PPIL2: variants seen among roughly 807,000 people sequenced by gnomAD.
PPIL2 encodes RING-type E3 ubiquitin-protein ligase PPIL2.
PPIL2 carries 50 observed loss-of-function variants against 75.2 expected under a neutral mutation model. That is an observed-to-expected ratio of 0.66 (90% CI 0.53 to 0.84). The LOEUF (loss-of-function observed/expected upper bound fraction) is 0.84, where lower values mean the gene tolerates loss of function less well. Among genes scored for constraint, PPIL2 ranks in the 40% least tolerant of loss-of-function variants. The pLI, the probability that PPIL2 is intolerant of heterozygous loss-of-function variation, is 0.00. For missense variants in PPIL2, 590 were observed against 685.0 expected, an observed-to-expected ratio of 0.86 and a Z score of 1.55; for synonymous variants, 245 against 258.8, an observed-to-expected ratio of 0.95 and a Z score of 0.51.
chr22:21,696,243 C>T lies in PPIL2; in HGVS notation c.*753C>T, dbSNP rs2148584888. The T allele has an allele frequency of 2.9e-6, 3 of 1,018,578 alleles. No individual in the cohort carries two copies. The highest frequency in any genetic ancestry group is 9.4e-5 in the East Asian group (1 of 10,674). 63.1% of individuals were successfully genotyped at this position (1,018,578 alleles called of 1,614,324 possible). ...CCTGAGCTCTCAGGGCCCTGCTCAC[C>T]TGCTCTGGCTGTGAACCACCTGGGC... On this transcript the variant is annotated 3_prime_UTR_variant, in exon 20 of 20. Coordinates refer to ENST00000398831, the MANE Select transcript of PPIL2 (RefSeq NM_014337.4).
Position 21,689,026 on chromosome 22 carries a change from A to C in PPIL2, c.1139+177A>C, listed in dbSNP as rs866940720. ...CAAAAGGGGGTCCCCAGAGTGAGTC[A>C]GCAGGGAGAGCTGCCCGCACCGGGT... is the stretch of plus-strand genomic sequence containing the variant. On this transcript the variant is annotated intron_variant, in intron 15 of 19. Coordinates refer to ENST00000398831, the MANE Select transcript of PPIL2 (RefSeq NM_014337.4). 2.0e-5 allele frequency among the ~76,000 whole-genome samples: 3 copies of C among 152,266 alleles called. No homozygotes were observed. In the East Asian group the frequency reaches 5.8e-4, roughly 29 times the overall value.
intron 6 of PPIL2, among the ~76,000 whole-genome samples, chr22:21,676,365 A>T (rs1350763097): frequency 3.1e-5 from 4 of 128,728 alleles, no homozygotes; most frequent in Non-Finnish European, 3.4e-5. Context: ...TATTTCTCCA[A>T]ACCTCTTTTT....
chr22:21,688,683 C>T (rs2067486434), intron 14 of PPIL2, 49 bp from the exon 15 acceptor site: 6 of 1,578,120 alleles, frequency 3.8e-6, no homozygotes, highest in Non-Finnish European at 5.2e-6. Flanking sequence ...CTAGTTCTGC[C>T]TCGGCTGGGG....
At chr22:21,691,393 G>A (rs1471437419) in intron 15 of PPIL2, among the ~76,000 whole-genome samples, 1 of 152,010 alleles carries the variant, frequency 6.6e-6, no homozygotes, top group East Asian at 1.9e-4. Flanking sequence ...AGATTTTCCA[G>A]GAGGAGGCCA....
chr22:21,684,878 G>T lies in PPIL2; in HGVS notation c.679G>T (p.Ala227Ser), dbSNP rs1218138263. 1.2e-6 allele frequency: 2 copies of T among 1,614,042 alleles called. No homozygotes were observed. Among genetic ancestry groups the T allele is most frequent in the South Asian group, 1.1e-5 (1 of 91,078 alleles). Residue 227 changes from alanine to serine, a missense_variant, in exon 10 of 20, where the codon GCC becomes TCC. Ala to Ser is a moderately conservative substitution (Grantham distance 99). Coordinates refer to ENST00000398831, the MANE Select transcript of PPIL2 (RefSeq NM_014337.4). The stretch of plus-strand genomic sequence containing the variant: ...CGAGATTCTGGCAGCCACCATGAAG[G>T]CCCCGGAGAAGAAGAAAGTGGACAA... Reference protein sequence around the residue: ...GDEILAATMKAPEKKKVDKLN... With the variant: ...GDEILAATMKSPEKKKVDKLN...
At chr22:21,682,550 C>T in intron 8 of PPIL2, 24 bp downstream of exon 8, 1 of 1,544,360 alleles carries the variant, frequency 6.5e-7, no homozygotes, top group Non-Finnish European at 8.7e-7. Flanking sequence ...GCCTGCCTGC[C>T]CCAGCTGCCT....
intron 9 of PPIL2, among the ~76,000 whole-genome samples, chr22:21,684,098 T>C (rs1158443203): frequency 1.3e-5 from 2 of 151,850 alleles, no homozygotes; most frequent in African/African-American, 4.8e-5. Flanking sequence ...CCCCAGCTAC[T>C]TGGGGGGCTG....
At chr22:21,681,476 A>G (rs2067128904) in intron 7 of PPIL2, 86 bp downstream of exon 7, 1 of 1,233,690 alleles carries the variant, frequency 8.1e-7, no homozygotes, top group East Asian at 2.4e-5. Flanking sequence ...GCTGTGTGCT[A>G]CGTGTACGGC....
At chr22:21,677,558 G>C (rs1056617997) in intron 6 of PPIL2, among the ~76,000 whole-genome samples, 13 of 152,218 alleles carry the variant, frequency 8.5e-5, no homozygotes, top group Admixed American at 6.5e-4. Context: ...CCAGTCAGGC[G>C]TGGCGGCGCG....
At chr22:21,670,744 G>T (rs556980472) in intron 3 of PPIL2, 133 bp downstream of exon 3, 7 of 1,062,294 alleles carry the variant, frequency 6.6e-6, no homozygotes, top group Non-Finnish European at 8.7e-6. Context: ...GTTCATGTTG[G>T]GAGAAGATGC....
rs1601575999 is a variant in PPIL2, at chr22:21,687,701, C to T, written c.956C>T (p.Thr319Ile). ...TGCAAGAAGCATTATTACGATGGCA[C>T]CATCTTCCACAGATCCATCCGGAAC... ...RLCKKHYYDG[T>I]IFHRSIRNFV... Residue 319 changes from threonine (T) to isoleucine (I), a missense_variant, in exon 13 of 20, where the codon ACC becomes ATC. Thr to Ile is a moderately conservative substitution (Grantham distance 89). Coordinates refer to ENST00000398831, the MANE Select transcript of PPIL2 (RefSeq NM_014337.4). 6.2e-7 allele frequency: 1 copy of T among 1,614,060 alleles called. No individual in the cohort carries two copies. The highest frequency in any genetic ancestry group is 2.2e-5 in the East Asian group (1 of 44,880).
At chr22:21,693,767 G>T (rs2067786954) in intron 15 of PPIL2, 49 bp from the exon 16 acceptor site, 2 of 1,514,898 alleles carry the variant, frequency 1.3e-6, no homozygotes, top group African/African-American at 1.4e-5. Flanking sequence ...AGGCAGGCCA[G>T]GTGCAGAAGG....
At chr22:21,699,332 C>A, downstream of PPIL2, 1 of 152,860 alleles carries the variant, frequency 6.5e-6, no homozygotes. Context: ...TCTGCTGCCC[C>A]TCGGTCCCCC....
At chr22:21,681,276 C>T (rs1488342618) in intron 6 of PPIL2, 23 bp from the exon 7 acceptor site, 1 of 1,585,500 alleles carries the variant, frequency 6.3e-7, no homozygotes, top group Non-Finnish European at 8.7e-7. Flanking sequence ...TGACTGGCCT[C>T]CCTGTGTGTG....
intron 5 of PPIL2, among the ~76,000 whole-genome samples, chr22:21,674,411 C>A (rs373386300): frequency 1.2e-3 from 177 of 152,356 alleles, no homozygotes; most frequent in African/African-American, 4.1e-3. Context: ...AAAATAGAGT[C>A]CCATCTTCCC....
At chr22:21,672,055 A>G (rs1046926914) in intron 4 of PPIL2, among the ~76,000 whole-genome samples, 1 of 152,032 alleles carries the variant, frequency 6.6e-6, no homozygotes, top group African/African-American at 2.4e-5. Flanking sequence ...TGTCTCAAAG[A>G]AAAAAAACCC....
chr22:21,695,128 G>GAGAC (rs1308354898), intron 19 of PPIL2, 58 bp downstream of exon 19: 1 of 1,504,362 alleles, frequency 6.6e-7, no homozygotes, highest in Non-Finnish European at 8.8e-7. Flanking sequence ...GGCTGACTGA[G>GAGAC]GTCTGAGGGT....
At chr22:21,691,128 G>GT (rs2067611733) in intron 15 of PPIL2, among the ~76,000 whole-genome samples, 1 of 150,934 alleles carries the variant, frequency 6.6e-6, no homozygotes, top group African/African-American at 2.4e-5. Context: ...TACTTTAGTA[G>GT]AGACAGGGTT....
chr22:21,681,305 A>G lies in PPIL2; in HGVS notation c.302A>G (p.Tyr101Cys), dbSNP rs1216271706. The G allele has an allele frequency of 6.2e-7, 1 of 1,613,086 alleles. No homozygotes were observed. Among genetic ancestry groups the G allele is most frequent in the Admixed American group, 1.7e-5 (1 of 60,014 alleles). ...GTGTGTGCCTTCTCTCTAGGGAAGTACCACTGCCCAGTGCTGTTTACCGTG... is the reference window on the plus strand; with the variant it reads ...GTGTGTGCCTTCTCTCTAGGGAAGTGCCACTGCCCAGTGCTGTTTACCGTG... The part of the protein sequence containing the change: ...LNFSKNSEGK[Y>C]HCPVLFTVFT... The change falls in exon 7 of 20, where the codon TAC becomes TGC. Residue 101 changes from tyrosine (Y) to cysteine (C), a missense_variant. Transcript: ENST00000398831.
Sources: gnomAD v4.1 joint callset for allele counts (sites outside exome capture counted in the v4.1 genomes callset) on GRCh38, gnomAD v4.1.1 for gene constraint, MANE v1.5 for transcripts, NCBI Gene and HGNC (gene_info 2026-07-23, HGNC 2026-07-21) for gene names.